MINDY3: variants seen among roughly 807,000 people sequenced by gnomAD.
The protein encoded by MINDY3 is MINDY lysine 48 deubiquitinase 3.
MINDY3 carries 38 observed loss-of-function variants against 69.2 expected under a neutral mutation model. The observed-to-expected ratio is 0.55, with a 90% confidence interval of 0.42 to 0.72. The LOEUF (loss-of-function observed/expected upper bound fraction) is 0.72, where lower values mean the gene tolerates loss of function less well. MINDY3 is among the 30% of genes least tolerant of loss of function. MINDY3 has a pLI of 0.00. For synonymous variants in MINDY3, 192 were observed against 180.1 expected (o/e 1.07, Z -0.53); for missense variants, 522 against 519.0 (o/e 1.01, Z -0.06).
chr10:15,798,819 A>C (rs979595462), intron 10 of MINDY3, among the ~76,000 whole-genome samples: 1 of 152,076 alleles, frequency 6.6e-6, no homozygotes, highest in Non-Finnish European at 1.5e-5. Flanking sequence ...ATGCCAACGT[A>C]GAAAGAAATT....
At chr10:15,798,451 C>T (rs1588534731) in intron 10 of MINDY3, among the ~76,000 whole-genome samples, 1 of 148,152 alleles carries the variant, frequency 6.7e-6, no homozygotes, top group South Asian at 2.1e-4. Flanking sequence ...TGCCTTGTCT[C>T]TAAGTGCCAA....
At chr10:15,799,149 T>C (rs1838067110) in intron 10 of MINDY3, among the ~76,000 whole-genome samples, 1 of 152,136 alleles carries the variant, frequency 6.6e-6, no homozygotes, top group Admixed American at 6.5e-5. Flanking sequence ...GGCCATTTGC[T>C]GACCTATGAT....
intron 4 of MINDY3, among the ~76,000 whole-genome samples, chr10:15,840,857 T>C (rs1004761483): frequency 6.6e-5 from 10 of 151,682 alleles, no homozygotes; most frequent in Non-Finnish European, 7.4e-5. Flanking sequence ...ATAATGAGAA[T>C]AGCTATTATT....
chr10:15,800,825 T>C (rs1838205699), intron 10 of MINDY3, among the ~76,000 whole-genome samples: 1 of 152,134 alleles, frequency 6.6e-6, no homozygotes, highest in Non-Finnish European at 1.5e-5. Context: ...CCTTCCGCTT[T>C]TTGCAAAATA....
intron 11 of MINDY3, 90 bp downstream of exon 11, chr10:15,796,010 A>AAT: frequency 1.0e-6 from 1 of 965,358 alleles, no homozygotes; most frequent in South Asian, 1.4e-5. Context: ...TAAATAATCC[A>AAT]ATATATCTTT....
intron 11 of MINDY3, among the ~76,000 whole-genome samples, chr10:15,790,125 G>C (rs1231369126): frequency 6.6e-6 from 1 of 152,012 alleles, no homozygotes; most frequent in East Asian, 1.9e-4. Flanking sequence ...ATCTTGCCAT[G>C]GAGAACAAGA....
At chr10:15,858,145 A>G (rs534659352) in intron 1 of MINDY3, among the ~76,000 whole-genome samples, 24 of 152,338 alleles carry the variant, frequency 1.6e-4, no homozygotes, top group African/African-American at 5.8e-4. Flanking sequence ...TCTGATTCAG[A>G]GGCGATAACT....
At chr10:15,821,155 T>A (rs1441039469) in intron 9 of MINDY3, among the ~76,000 whole-genome samples, 1 of 152,166 alleles carries the variant, frequency 6.6e-6, no homozygotes. Flanking sequence ...CCCTAGTGCA[T>A]GTGTCAAAGA....
intron 14 of MINDY3, among the ~76,000 whole-genome samples, chr10:15,781,082 C>T (rs1051873350): frequency 1.3e-5 from 2 of 152,128 alleles, no homozygotes; most frequent in Non-Finnish European, 2.9e-5. Flanking sequence ...CTAGATGAAG[C>T]ACTCATTCGC....
chr10:15,778,883 TAC>T lies in MINDY3; in HGVS notation c.*107_*108del. On this transcript the variant is annotated 3_prime_UTR_variant, in exon 15 of 15. Coordinates refer to ENST00000277632, the MANE Select transcript of MINDY3 (RefSeq NM_024948.4). The stretch of plus-strand genomic sequence containing the variant: ...TGAAAATGTGTTTTTAATTGTTATT[TAC>T]AGTTAATCAGTGATACCAGTGTTTA... 1 of 819,748 alleles carries T rather than the reference TAC, an allele frequency of 1.2e-6. No homozygotes were observed. The highest frequency in any genetic ancestry group is 1.9e-6 in the Non-Finnish European group (1 of 536,438). 50.8% of individuals were successfully genotyped at this position (819,748 alleles called of 1,614,324 possible). A position where few individuals can be genotyped will look rare whatever the true frequency, so the allele number is the denominator to read the frequency against.
chr10:15,824,002 G>A (rs1839933401), intron 8 of MINDY3, among the ~76,000 whole-genome samples: 1 of 152,108 alleles, frequency 6.6e-6, no homozygotes, highest in Non-Finnish European at 1.5e-5. Flanking sequence ...ATTGTTTATA[G>A]AATTCCAGTT....
chr10:15,853,147 A>T (rs1271083386), intron 1 of MINDY3, among the ~76,000 whole-genome samples: 1 of 152,172 alleles, frequency 6.6e-6, no homozygotes, highest in Non-Finnish European at 1.5e-5. Context: ...TTTGAAGGGT[A>T]GTTGGATCAA....
intron 12 of MINDY3, among the ~76,000 whole-genome samples, chr10:15,787,799 G>A (rs1462913620): frequency 1.3e-5 from 2 of 152,098 alleles, no homozygotes; most frequent in African/African-American, 2.4e-5. Context: ...ATGAGTCTGA[G>A]TAAGGCCGGG....
chr10:15,835,215 C>A (rs1478196387), intron 6 of MINDY3, among the ~76,000 whole-genome samples: 1 of 151,900 alleles, frequency 6.6e-6, no homozygotes, highest in African/African-American at 2.4e-5. Flanking sequence ...CTTTTTAAAC[C>A]TTCAGAAGGG....
chr10:15,852,284 T>C (rs1177987548), intron 1 of MINDY3, among the ~76,000 whole-genome samples: 1 of 152,140 alleles, frequency 6.6e-6, no homozygotes, highest in Admixed American at 6.5e-5. Flanking sequence ...TGTTTTGGCA[T>C]GGAAGATAAT....
At chr10:15,810,687 C>G (rs1055000952) in intron 10 of MINDY3, among the ~76,000 whole-genome samples, 1 of 152,108 alleles carries the variant, frequency 6.6e-6, no homozygotes, top group Non-Finnish European at 1.5e-5. Context: ...TACACTATGC[C>G]TGGCACTGCT....
chr10:15,839,159 T>C (rs116646426), intron 4 of MINDY3, among the ~76,000 whole-genome samples: 2,611 of 151,852 alleles, frequency 0.017, 54 homozygotes, highest in African/African-American at 0.056. Flanking sequence ...GTTAAGAAAA[T>C]TGATTCATTA....
chr10:15,789,552 G>A (rs1387104154), intron 11 of MINDY3, among the ~76,000 whole-genome samples: 1 of 152,044 alleles, frequency 6.6e-6, no homozygotes, highest in East Asian at 1.9e-4. Flanking sequence ...TGAGAACTCC[G>A]ACGAAAGCTT....
At chr10:15,790,280 C>A (rs1837310136) in intron 11 of MINDY3, among the ~76,000 whole-genome samples, 1 of 151,122 alleles carries the variant, frequency 6.6e-6, no homozygotes, top group Non-Finnish European at 1.5e-5. Context: ...AACCTCTTTT[C>A]TATTCTTAAA....
Sources: gnomAD v4.1 joint callset for allele counts (sites outside exome capture counted in the v4.1 genomes callset) on GRCh38, gnomAD v4.1.1 for gene constraint, MANE v1.5 for transcripts, NCBI Gene and HGNC (gene_info 2026-07-23, HGNC 2026-07-21) for gene names.